The following CCDC171 variants were observed in gnomAD, a reference collection of about 807,000 sequenced individuals.
The protein encoded by CCDC171 is coiled-coil domain-containing protein 171.
Under a neutral mutation model 168.2 loss-of-function variants are expected in CCDC171, and 177 were observed. The observed-to-expected ratio is 1.05, with a 90% CI of 0.93 to 1.19. CCDC171 has a LOEUF of 1.19. Ranked by LOEUF, CCDC171 falls within the 50% of genes most tolerant of loss-of-function variation. The pLI, the probability that CCDC171 is intolerant of heterozygous loss-of-function variation, is 0.00. For synonymous variants in CCDC171, 687 were observed against 540.8 expected (o/e 1.27, Z -3.75); for missense variants, 1,991 against 1,539.0 (o/e 1.29, Z -4.91).
At chr9:15,605,955 A>C (rs1021030344) in intron 6 of CCDC171, among the ~76,000 whole-genome samples, 1 of 152,154 alleles carries the variant, frequency 6.6e-6, no homozygotes, top group African/African-American at 2.4e-5. Context: ...GGCATATGTT[A>C]CATGACACCA....
chr9:15,857,866 A>G (rs2061406678), intron 23 of CCDC171, among the ~76,000 whole-genome samples: 1 of 151,476 alleles, frequency 6.6e-6, no homozygotes, highest in South Asian at 2.1e-4. Context: ...TGGGCTTTCT[A>G]TTTTGTTCCA....
the CCDC171 span, among the ~76,000 whole-genome samples, chr9:16,072,771 C>A: frequency 6.6e-6 from 1 of 152,178 alleles, no homozygotes; most frequent in African/African-American, 2.4e-5. Flanking sequence ...CGTTAAGATG[C>A]AGCTCAGGCA....
intron 9 of CCDC171, among the ~76,000 whole-genome samples, chr9:15,678,423 C>G (rs2049794814): frequency 6.6e-6 from 1 of 152,042 alleles, no homozygotes; most frequent in South Asian, 2.1e-4. Context: ...ACTGTTTTCT[C>G]AGTCTTGAGA....
chr9:15,755,403 A>T (rs899260329), intron 18 of CCDC171, among the ~76,000 whole-genome samples: 4 of 152,206 alleles, frequency 2.6e-5, no homozygotes, highest in East Asian at 1.9e-4. Flanking sequence ...TTATCATATG[A>T]GCTAGCAATT....
At chr9:15,862,416 C>T (rs1429793144) in intron 23 of CCDC171, among the ~76,000 whole-genome samples, 1 of 150,762 alleles carries the variant, frequency 6.6e-6, no homozygotes, top group Non-Finnish European at 1.5e-5. Flanking sequence ...CTTAAGTTTT[C>T]TTATTACTGA....
chr9:15,738,370 A>G (rs1482176219), intron 16 of CCDC171, among the ~76,000 whole-genome samples: 5 of 152,216 alleles, frequency 3.3e-5, no homozygotes, highest in Non-Finnish European at 5.9e-5. Flanking sequence ...AAAACTGGTG[A>G]AATTATGTAG....
At chr9:15,600,896 G>A (rs1025685233) in intron 6 of CCDC171, among the ~76,000 whole-genome samples, 3 of 152,202 alleles carry the variant, frequency 2.0e-5, no homozygotes, top group African/African-American at 7.2e-5. Context: ...TGCTGTGGTA[G>A]CAGTGAGCGA....
At chr9:16,070,561 G>C in the CCDC171 span, among the ~76,000 whole-genome samples, 2 of 152,182 alleles carry the variant, frequency 1.3e-5, no homozygotes, top group Non-Finnish European at 2.9e-5. Flanking sequence ...CTGTGAGCTG[G>C]GCTCTGGATG....
intron 23 of CCDC171, among the ~76,000 whole-genome samples, chr9:15,863,643 A>G (rs1390070460): frequency 2.0e-5 from 3 of 151,854 alleles, no homozygotes; most frequent in Admixed American, 6.6e-5. Context: ...AGTTCCTTGT[A>G]CATGGTTTTC....
intron 1 of CCDC171, among the ~76,000 whole-genome samples, chr9:15,563,224 C>T (rs942681895): frequency 5.9e-5 from 9 of 151,562 alleles, no homozygotes; most frequent in Admixed American, 4.6e-4. Context: ...CTGCAACCTC[C>T]GCCTCCCAGG....
chr9:15,659,218 C>A (rs1275022179), intron 8 of CCDC171, among the ~76,000 whole-genome samples: 1 of 152,192 alleles, frequency 6.6e-6, no homozygotes, highest in Non-Finnish European at 1.5e-5. Context: ...TTTATATTCT[C>A]TCAAGCAACT....
At chr9:15,795,664 T>C (rs950240859) in intron 21 of CCDC171, among the ~76,000 whole-genome samples, 13 of 152,142 alleles carry the variant, frequency 8.5e-5, no homozygotes, top group African/African-American at 3.1e-4. Context: ...CCTCAGAGAC[T>C]AGGAGAGATC....
intron 4 of CCDC171, chr9:15,587,584 G>C (rs1340091605): frequency 2.2e-6 from 1 of 454,832 alleles, no homozygotes; most frequent in Non-Finnish European, 4.4e-6. Context: ...CCAGGAGGAA[G>C]AACCTAATGA....
At chr9:15,726,469 T>C (rs1274935821) in intron 14 of CCDC171, among the ~76,000 whole-genome samples, 1 of 152,216 alleles carries the variant, frequency 6.6e-6, no homozygotes, top group Non-Finnish European at 1.5e-5. Flanking sequence ...TGTTAAGTTA[T>C]ATTTAATAAG....
chr9:15,966,884 T>C lies in CCDC171; in HGVS notation c.3754-4725T>C, dbSNP rs138817490. Among the ~76,000 whole-genome samples the C allele has an allele frequency of 2.4e-3, 254 of 105,356 alleles. 3 individuals are homozygous for C. In the East Asian group the frequency reaches 0.053, roughly 22 times the overall value. 69.1% of individuals were successfully genotyped at this position (105,356 alleles called of 152,430 possible). Reference sequence around the variant, plus strand: ...AAATATTGGATGGCATGATAGCAGATGTGTGTGTGTGTATATATATATATA... The same window carrying C: ...AAATATTGGATGGCATGATAGCAGACGTGTGTGTGTGTATATATATATATA... On this transcript the variant is annotated intron_variant, in intron 25 of 25. Coordinates refer to ENST00000380701, the MANE Select transcript of CCDC171 (RefSeq NM_173550.4).
intron 25 of CCDC171, among the ~76,000 whole-genome samples, chr9:15,965,137 G>C (rs1830677405): frequency 6.6e-6 from 1 of 152,142 alleles, no homozygotes; most frequent in South Asian, 2.1e-4. Context: ...AAGCTCCTTT[G>C]ATGAAAGGGC....
chr9:15,798,801 A>T (rs2058680041), intron 21 of CCDC171, among the ~76,000 whole-genome samples: 1 of 152,090 alleles, frequency 6.6e-6, no homozygotes, highest in Non-Finnish European at 1.5e-5. Context: ...ACAGGTATTG[A>T]ATATTTTTTA....
At chr9:15,752,893 A>G (rs1038168369) in intron 18 of CCDC171, among the ~76,000 whole-genome samples, 3 of 152,130 alleles carry the variant, frequency 2.0e-5, no homozygotes, top group Non-Finnish European at 4.4e-5. Context: ...GTACATATAT[A>G]AAAAAAGAAA....
intron 11 of CCDC171, among the ~76,000 whole-genome samples, chr9:15,698,992 T>G (rs912359045): frequency 6.6e-6 from 1 of 152,200 alleles, no homozygotes; most frequent in Non-Finnish European, 1.5e-5. Flanking sequence ...TGGATAAATA[T>G]CTGTAGTGGG....
Sources: gnomAD v4.1 joint callset for allele counts (sites outside exome capture counted in the v4.1 genomes callset) on GRCh38, gnomAD v4.1.1 for gene constraint, MANE v1.5 for transcripts, NCBI Gene and HGNC (gene_info 2026-07-23, HGNC 2026-07-21) for gene names.